EVI5: variants seen among roughly 807,000 people sequenced by gnomAD.
EVI5 encodes ecotropic viral integration site 5.
Under a neutral mutation model 112.0 loss-of-function variants are expected in EVI5, and 73 were observed. The observed-to-expected ratio is 0.65, with a 90% confidence interval of 0.54 to 0.79. The LOEUF is 0.79. Ranked by LOEUF, EVI5 falls within the 30% of genes least tolerant of loss-of-function variation. EVI5 has a pLI of 0.00. For missense variants in EVI5, 900 were observed against 968.8 expected (o/e 0.93, Z 0.94); for synonymous variants, 305 against 319.9 (o/e 0.95, Z 0.50).
chr1:92,744,773 C>T (rs1679015089), intron 1 of EVI5, among the ~76,000 whole-genome samples: 1 of 151,932 alleles, frequency 6.6e-6, no homozygotes, highest in Admixed American at 6.6e-5. Context: ...TTTTGAGGTG[C>T]TTTATAGAGG....
chr1:92,612,956 T>G (rs1257104916), intron 16 of EVI5, among the ~76,000 whole-genome samples: 1 of 152,168 alleles, frequency 6.6e-6, no homozygotes, highest in Non-Finnish European at 1.5e-5. Context: ...TTGCACACTT[T>G]TCTTCAGGTA....
chr1:92,611,823 T>A (rs564466640), intron 16 of EVI5, among the ~76,000 whole-genome samples: 264 of 151,756 alleles, frequency 1.7e-3, no homozygotes, highest in African/African-American at 6.1e-3. Context: ...GCAGGAGAAC[T>A]GTTTGAGGTC....
intron 1 of EVI5, among the ~76,000 whole-genome samples, chr1:92,745,229 C>G (rs141141734): frequency 1.3e-5 from 2 of 151,906 alleles, no homozygotes; most frequent in African/African-American, 4.8e-5. Flanking sequence ...CGTGGACCAC[C>G]CACCCAGCCT....
intron 18 of EVI5, among the ~76,000 whole-genome samples, chr1:92,582,909 T>C (rs1672173071): frequency 6.6e-6 from 1 of 152,194 alleles, no homozygotes; most frequent in African/African-American, 2.4e-5. Context: ...TGAAGGAATA[T>C]TTCAACAGTT....
At chr1:92,779,430 G>A (rs1243619028) in intron 1 of EVI5, among the ~76,000 whole-genome samples, 1 of 152,092 alleles carries the variant, frequency 6.6e-6, no homozygotes, top group East Asian at 1.9e-4. Flanking sequence ...GGCCGAGACG[G>A]GGAATCGCTT....
At chr1:92,592,519 C>G (rs900230576) in intron 18 of EVI5, among the ~76,000 whole-genome samples, 12 of 152,244 alleles carry the variant, frequency 7.9e-5, no homozygotes, top group African/African-American at 2.6e-4. Context: ...ACTAGAGAAG[C>G]AAGACCAAAC....
intron 3 of EVI5, among the ~76,000 whole-genome samples, chr1:92,704,081 AG>A (rs1440955089): frequency 1.3e-5 from 2 of 152,124 alleles, no homozygotes; most frequent in African/African-American, 2.4e-5. Flanking sequence ...AGGCGGAGGT[AG>A]GAAGACTGCT....
chr1:92,514,230 T>A (rs986927534), intron 19 of EVI5, among the ~76,000 whole-genome samples: 1 of 152,170 alleles, frequency 6.6e-6, no homozygotes, highest in Non-Finnish European at 1.5e-5. Flanking sequence ...CTCGGCTCAC[T>A]GCAACCTCCG....
intron 19 of EVI5, among the ~76,000 whole-genome samples, chr1:92,526,843 T>C (rs1190529575): frequency 1.3e-5 from 2 of 152,232 alleles, no homozygotes; most frequent in African/African-American, 2.4e-5. Context: ...ATGTAAACTA[T>C]GGACTTCAGT....
chr1:92,553,679 C>T (rs1667300760), intron 19 of EVI5, among the ~76,000 whole-genome samples: 2 of 152,156 alleles, frequency 1.3e-5, no homozygotes, highest in East Asian at 3.9e-4. Flanking sequence ...TGCAATCAGC[C>T]AACCTCGGTC....
chr1:92,739,230 G>A (rs552544555), intron 1 of EVI5, among the ~76,000 whole-genome samples: 2 of 119,254 alleles, frequency 1.7e-5, no homozygotes, highest in African/African-American at 3.3e-5. Flanking sequence ...CCAAGATCAC[G>A]CCACTGCTCT....
chr1:92,647,523 A>G, intron 13 of EVI5: 1 of 514,874 alleles, frequency 1.9e-6, no homozygotes. Context: ...ACTTCTTGGA[A>G]AATTCTGCAA....
At chr1:92,559,570 G>A (rs933381195) in intron 19 of EVI5, among the ~76,000 whole-genome samples, 5 of 151,728 alleles carry the variant, frequency 3.3e-5, no homozygotes, top group African/African-American at 9.7e-5. Flanking sequence ...TTAGGAGTTC[G>A]AGACCAGCCT....
chr1:92,740,969 A>G (rs1422559795), intron 1 of EVI5, among the ~76,000 whole-genome samples: 1 of 152,166 alleles, frequency 6.6e-6, no homozygotes, highest in East Asian at 1.9e-4. Flanking sequence ...CTCTACGTAG[A>G]TTCCATGCAA....
At chr1:92,562,382 T>C (rs565798173) in intron 19 of EVI5, among the ~76,000 whole-genome samples, 2 of 152,104 alleles carry the variant, frequency 1.3e-5, no homozygotes, top group South Asian at 4.2e-4. Context: ...ATACAAAAAA[T>C]TAGCCAGCCT....
chr1:92,698,723 A>G (rs925361756), intron 5 of EVI5, among the ~76,000 whole-genome samples: 6 of 152,214 alleles, frequency 3.9e-5, no homozygotes, highest in Admixed American at 3.9e-4. Context: ...ACCTTAAGTG[A>G]GAGAGAGGGA....
chr1:92,634,263 T>A (rs2101892675), intron 14 of EVI5, among the ~76,000 whole-genome samples: 1 of 152,328 alleles, frequency 6.6e-6, no homozygotes, highest in Non-Finnish European at 1.5e-5. Context: ...CTGGATAATA[T>A]CCTGCAGAGT....
intron 1 of EVI5, among the ~76,000 whole-genome samples, chr1:92,782,104 C>T (rs1279267138): frequency 1.3e-5 from 2 of 151,308 alleles, no homozygotes; most frequent in African/African-American, 4.9e-5. Flanking sequence ...ACTAAAAATA[C>T]AAAAATTAGC....
At chr1:92,787,045 A>G (rs892389189), upstream of EVI5, among the ~76,000 whole-genome samples, 1 of 152,158 alleles carries the variant, frequency 6.6e-6, no homozygotes, top group East Asian at 1.9e-4. Flanking sequence ...CTCCTTTCAC[A>G]TCGCATGAAA....
Sources: allele counts gnomAD v4.1 joint callset (sites outside exome capture counted in the v4.1 genomes callset), GRCh38; gene constraint gnomAD v4.1.1; transcripts MANE v1.5; gene names NCBI Gene and HGNC (gene_info 2026-07-23, HGNC 2026-07-21).